The following RAB3C variants were observed in gnomAD, a reference collection of about 807,000 sequenced individuals.
RAB3C encodes the protein RAB3C, member RAS oncogene family.
A neutral mutation model predicts 26.4 loss-of-function variants in RAB3C; 17 were observed. That is an observed-to-expected ratio of 0.64 (90% CI 0.44 to 0.97). RAB3C has a LOEUF of 0.97. RAB3C is among the 50% of genes least tolerant of loss of function. RAB3C has a pLI of 0.00. For synonymous variants in RAB3C, 91 were observed against 95.9 expected, an observed-to-expected ratio of 0.95 and a Z score of 0.30; for missense variants, 242 against 281.9, an observed-to-expected ratio of 0.86 and a Z score of 1.01.
At chr5:58,813,613 T>C (rs13159521) in intron 3 of RAB3C, among the ~76,000 whole-genome samples, 7 of 55,714 alleles carry the variant, frequency 1.3e-4, no homozygotes, top group South Asian at 5.8e-4. Context: ...TATATATATA[T>C]ATATATATAT....
At chr5:58,777,761 A>T (rs1309896655) in intron 3 of RAB3C, among the ~76,000 whole-genome samples, 1 of 138,082 alleles carries the variant, frequency 7.2e-6, no homozygotes, top group Non-Finnish European at 1.6e-5. Context: ...CCACCCCATG[A>T]CAAGCCCTGG....
intron 3 of RAB3C, chr5:58,822,692 T>TCTA: frequency 2.3e-6 from 1 of 428,804 alleles, no homozygotes; most frequent in Non-Finnish European, 4.5e-6. Flanking sequence ...ATTTGTCAGA[T>TCTA]TACTTATGCC....
At chr5:58,823,054 T>C in intron 3 of RAB3C, 1 of 550,960 alleles carries the variant, frequency 1.8e-6, no homozygotes, top group South Asian at 1.5e-5. Flanking sequence ...GATTCCCTGC[T>C]TGTGATTCTG....
intron 1 of RAB3C, chr5:58,583,444 C>T: frequency 1.5e-6 from 1 of 663,210 alleles, no homozygotes; most frequent in South Asian, 6.7e-5. Context: ...GGGCTATTCG[C>T]AATCTTTCTA....
chr5:58,672,971 T>G (rs1748150768), intron 2 of RAB3C, among the ~76,000 whole-genome samples: 1 of 152,228 alleles, frequency 6.6e-6, no homozygotes, highest in African/African-American at 2.4e-5. Flanking sequence ...GTCTTTACTT[T>G]TCTCTCTAAG....
At chr5:58,708,562 T>C (rs1748998862) in intron 2 of RAB3C, among the ~76,000 whole-genome samples, 2 of 152,160 alleles carry the variant, frequency 1.3e-5, no homozygotes, top group Non-Finnish European at 2.9e-5. Flanking sequence ...GGCCAGTGCA[T>C]CTGCTCCCTG....
At chr5:58,724,267 C>T (rs1740833403) in intron 2 of RAB3C, among the ~76,000 whole-genome samples, 1 of 151,884 alleles carries the variant, frequency 6.6e-6, no homozygotes, top group African/African-American at 2.4e-5. Context: ...GGAACCCTAA[C>T]AAGCATGCTA....
chr5:58,760,789 A>G (rs1741779161), intron 3 of RAB3C, among the ~76,000 whole-genome samples: 1 of 152,182 alleles, frequency 6.6e-6, no homozygotes, highest in African/African-American at 2.4e-5. Flanking sequence ...TCTGCCTCCA[A>G]GGAACTTACA....
At chr5:58,699,931 A>C (rs1748806038) in intron 2 of RAB3C, among the ~76,000 whole-genome samples, 1 of 152,162 alleles carries the variant, frequency 6.6e-6, no homozygotes, top group South Asian at 2.1e-4. Context: ...GGGTGAGGCG[A>C]TGCCATGCCC....
chr5:58,787,960 A>G (rs149568995), intron 3 of RAB3C, among the ~76,000 whole-genome samples: 223 of 152,314 alleles, frequency 1.5e-3, no homozygotes, highest in Middle Eastern at 6.8e-3. Context: ...TTTCAAGAAT[A>G]GGTGCTGCAG....
intron 2 of RAB3C, among the ~76,000 whole-genome samples, chr5:58,720,196 C>A (rs750566172): frequency 6.6e-6 from 1 of 151,874 alleles, no homozygotes; most frequent in Non-Finnish European, 1.5e-5. Flanking sequence ...AATGGTTACT[C>A]TCATTTTCCC....
At chr5:58,714,814 C>T (rs564961830) in intron 2 of RAB3C, among the ~76,000 whole-genome samples, 52 of 150,596 alleles carry the variant, frequency 3.5e-4, no homozygotes, top group Non-Finnish European at 7.1e-4. Flanking sequence ...AAATTTTCAA[C>T]CAAAGAGAAA....
chr5:58,603,639 G>A (rs1019196381), intron 1 of RAB3C, among the ~76,000 whole-genome samples: 3 of 152,116 alleles, frequency 2.0e-5, no homozygotes, highest in African/African-American at 4.8e-5. Context: ...CTAAAGGTGT[G>A]TCCAAAGCTT....
At chr5:58,638,084 A>G (rs969033476) in intron 2 of RAB3C, among the ~76,000 whole-genome samples, 5 of 152,146 alleles carry the variant, frequency 3.3e-5, no homozygotes, top group African/African-American at 9.7e-5. Flanking sequence ...GTCCCAGAAA[A>G]TAGAATTTTG....
intron 3 of RAB3C, among the ~76,000 whole-genome samples, chr5:58,732,332 C>T (rs1261303997): frequency 1.3e-5 from 2 of 151,692 alleles, no homozygotes; most frequent in South Asian, 2.1e-4. Flanking sequence ...TATTATATAG[C>T]TCTCATTATA....
chr5:58,699,071 T>A (rs142283646), intron 2 of RAB3C, among the ~76,000 whole-genome samples: 7,579 of 152,186 alleles, frequency 0.05, 629 homozygotes, highest in African/African-American at 0.17. Context: ...GTTTTATCTA[T>A]CTTTGGTCTT....
chr5:58,785,198 C>T (rs977546852), intron 3 of RAB3C, among the ~76,000 whole-genome samples: 2 of 152,218 alleles, frequency 1.3e-5, no homozygotes, highest in African/African-American at 4.8e-5. Context: ...TCAAAATTAT[C>T]TGCACGATGG....
At chr5:58,757,559 G>A (rs141018650) in intron 3 of RAB3C, among the ~76,000 whole-genome samples, 1,660 of 152,312 alleles carry the variant, frequency 0.011, 2 homozygotes, top group African/African-American at 0.035. Flanking sequence ...CATAGGAGAT[G>A]TTGTGTCCTT....
At chr5:58,609,874 A>G (rs1746659650) in intron 1 of RAB3C, among the ~76,000 whole-genome samples, 1 of 152,126 alleles carries the variant, frequency 6.6e-6, no homozygotes, top group Non-Finnish European at 1.5e-5. Flanking sequence ...CGTCTTGGCC[A>G]CTTCTTGTTC....
Sources: gnomAD v4.1 joint callset for allele counts (sites outside exome capture counted in the v4.1 genomes callset) on GRCh38, gnomAD v4.1.1 for gene constraint, MANE v1.5 for transcripts, NCBI Gene and HGNC (gene_info 2026-07-23, HGNC 2026-07-21) for gene names.